Variants in CNDP1 observed in about 807,000 individuals in gnomAD.
CNDP1 encodes carnosine dipeptidase 1.
CNDP1 carries 44 observed loss-of-function variants against 58.1 expected under a neutral mutation model. That is an observed-to-expected ratio of 0.76 (90% CI 0.60 to 0.97). The LOEUF is 0.97. Ranked by LOEUF, CNDP1 falls within the 50% of genes least tolerant of loss-of-function variation. The probability of loss-of-function intolerance (pLI) is 0.00; values close to 1 mark genes in which losing one functional copy is unlikely to be tolerated. For synonymous variants in CNDP1, 254 were observed against 252.6 expected (o/e 1.01, Z -0.05); for missense variants, 616 against 655.1 (o/e 0.94, Z 0.65).
chr18:74,566,986 G>A (rs1265358904), intron 5 of CNDP1, among the ~76,000 whole-genome samples: 1 of 152,218 alleles, frequency 6.6e-6, no homozygotes, highest in Non-Finnish European at 1.5e-5. Flanking sequence ...CACTTCTTAG[G>A]TGGTGGCAGC....
At chr18:74,559,820 G>A (rs1387491351) in intron 3 of CNDP1, among the ~76,000 whole-genome samples, 3 of 151,976 alleles carry the variant, frequency 2.0e-5, no homozygotes, top group Non-Finnish European at 4.4e-5. Context: ...AAATTCATAT[G>A]CATCTTTCTC....
At chr18:74,580,410 T>C in intron 10 of CNDP1, 139 bp downstream of exon 10, 1 of 845,636 alleles carries the variant, frequency 1.2e-6, no homozygotes, top group South Asian at 1.7e-5. Context: ...GTTGAATGCA[T>C]GCCATGTGCA....
At chr18:74,554,061 G>A (rs1599090714) in intron 1 of CNDP1, among the ~76,000 whole-genome samples, 1 of 152,222 alleles carries the variant, frequency 6.6e-6, no homozygotes, top group East Asian at 1.9e-4. Context: ...ACCCGAAGGA[G>A]TACAGCTGGG....
At chr18:74,556,278 T>C (rs2144652142) in intron 1 of CNDP1, 60 bp from the exon 2 acceptor site, 4 of 1,586,478 alleles carry the variant, frequency 2.5e-6, no homozygotes, top group Non-Finnish European at 3.4e-6. Context: ...ATTTGGAAGG[T>C]CCGAAGTCCA....
At chr18:74,559,614 TC>T in intron 3 of CNDP1, 142 bp downstream of exon 3, 1 of 749,636 alleles carries the variant, frequency 1.3e-6, no homozygotes, top group Non-Finnish European at 2.1e-6. Flanking sequence ...GATGAAACAT[TC>T]CCCTGGTCTC....
intron 7 of CNDP1, 197 bp from the exon 8 acceptor site, chr18:74,576,672 C>T (rs1423078494): frequency 2.9e-5 from 14 of 478,502 alleles, no homozygotes; most frequent in Non-Finnish European, 5.1e-5. Flanking sequence ...ACTCCAGCTG[C>T]GTGATCCTGG....
intron 9 of CNDP1, among the ~76,000 whole-genome samples, chr18:74,579,188 T>TTCCCTTGCCTTGCCTTC (rs1568300947): frequency 8.4e-6 from 1 of 118,420 alleles, no homozygotes; most frequent in Non-Finnish European, 1.8e-5. Flanking sequence ...CTTCTCCCTT[T>TTCCCTTGCCTTGCCTTC]CCTTCCCTTC....
intron 1 of CNDP1, among the ~76,000 whole-genome samples, chr18:74,546,280 G>T (rs569435907): frequency 6.6e-6 from 1 of 152,172 alleles, no homozygotes; most frequent in Non-Finnish European, 1.5e-5. Flanking sequence ...GAGTAAAAGT[G>T]TCTGAAGGCG....
At chr18:74,540,558 C>A (rs1568289988) in intron 1 of CNDP1, among the ~76,000 whole-genome samples, 1 of 152,200 alleles carries the variant, frequency 6.6e-6, no homozygotes, top group Non-Finnish European at 1.5e-5. Context: ...GGCAACAGCT[C>A]TCTTGGGGAA....
rs550844881 is a variant in CNDP1 at position 74,566,238 on chromosome 18, C to T, written c.556-995C>T. 7.2e-5 allele frequency among the ~76,000 whole-genome samples: 11 copies of T among 152,328 alleles called. No individual in the cohort carries two copies. The East Asian group carries it at 7.7e-4, about 11-fold the overall frequency. On this transcript the variant is annotated intron_variant, in intron 5 of 11. Coordinates refer to ENST00000358821, the MANE Select transcript of CNDP1 (RefSeq NM_032649.6). ...CCAGGCCTGTGATGGGTGGGGCTGC[C>T]GTGAAGGTCTCTGACATGACCTGGA...
chr18:74,571,375 A>G lies in CNDP1; in HGVS notation c.841+105A>G. The stretch of plus-strand genomic sequence containing the variant: ...CTTGCTTTCTGAACCAGCTCTGAAC[A>G]AGGGTGTAGATGCTTAGATTTTCCT... On this transcript the variant is annotated intron_variant, in intron 7 of 11. Coordinates refer to ENST00000358821, the MANE Select transcript of CNDP1 (RefSeq NM_032649.6). The G allele has an allele frequency of 3.8e-6, 3 of 780,776 alleles. No individual in the cohort carries two copies. The South Asian group carries it at 4.4e-5, about 12-fold the overall frequency. The allele number at this position is 780,776 out of a possible 1,614,324, so 48.4% of individuals were successfully genotyped here. A position where few individuals can be genotyped will look rare whatever the true frequency, so the allele number is the denominator to read the frequency against.
At chr18:74,562,258 A>C (rs1599095144) in intron 5 of CNDP1, 123 bp downstream of exon 5, 1 of 818,588 alleles carries the variant, frequency 1.2e-6, no homozygotes, top group African/African-American at 1.7e-5. Context: ...CAATCTTTGG[A>C]GGTGTGTGCG....
Position 74,545,062 on chromosome 18 carries a change from C to T in CNDP1, c.24+10371C>T, listed in dbSNP as rs1199263204. On this transcript the variant is annotated intron_variant, in intron 1 of 11. Coordinates refer to ENST00000358821, the MANE Select transcript of CNDP1 (RefSeq NM_032649.6). This position sits in a 1 kb window ranked among gnomAD's most constrained non-coding sequence, Gnocchi z 4.1. The stretch of plus-strand genomic sequence containing the variant: ...AAGCTGGAGGGGCAGGAAGGACCCT[C>T]CCCTAGAGCCTGCAGACGGAGCCCA... Among the ~76,000 whole-genome samples the T allele has an allele frequency of 6.6e-6, 1 of 152,156 alleles. No homozygotes were observed. Among genetic ancestry groups the T allele is most frequent in the Non-Finnish European group, 1.5e-5 (1 of 68,028 alleles).
intron 1 of CNDP1, among the ~76,000 whole-genome samples, chr18:74,554,626 A>C (rs1432240350): frequency 6.6e-6 from 1 of 152,176 alleles, no homozygotes; most frequent in African/African-American, 2.4e-5. Context: ...TCAGCAATGC[A>C]TTTGGGAACA....
chr18:74,539,147 G>A (rs1980553551), intron 1 of CNDP1, among the ~76,000 whole-genome samples: 1 of 145,972 alleles, frequency 6.9e-6, no homozygotes, highest in African/African-American at 2.5e-5. Flanking sequence ...TGCAAACACT[G>A]TCTTCCTACA....
Position 74,585,100 on chromosome 18 carries a change from T to C in CNDP1, c.*538T>C, listed in dbSNP as rs1454936065. On this transcript the variant is annotated 3_prime_UTR_variant, in exon 12 of 12. Coordinates refer to ENST00000358821, the MANE Select transcript of CNDP1 (RefSeq NM_032649.6). ...ATATTAACCTCTTGCCTCCCCTTCA[T>C]TTATTTTTTCCCACTTCTTGAAAAG... 6.6e-6 allele frequency: 1 copy of C among 152,402 alleles called. No individual in the cohort carries two copies. The highest frequency in any genetic ancestry group is 2.4e-5 in the African/African-American group (1 of 41,450). The allele number at this position is 152,402 out of a possible 1,614,324, so 9.4% of individuals were successfully genotyped here. A position where few individuals can be genotyped will look rare whatever the true frequency, so the allele number is the denominator to read the frequency against.
At chr18:74,579,589 C>T (rs1313530106) in intron 9 of CNDP1, among the ~76,000 whole-genome samples, 1 of 152,096 alleles carries the variant, frequency 6.6e-6, no homozygotes, top group Non-Finnish European at 1.5e-5. Flanking sequence ...CCCCGGGAGA[C>T]TCTCAACAGT....
chr18:74,584,439 C>T, intron 11 of CNDP1, 57 bp from the exon 12 acceptor site: 2 of 1,179,278 alleles, frequency 1.7e-6, no homozygotes, highest in Non-Finnish European at 2.5e-6. Flanking sequence ...AATATTTTTC[C>T]TCCTTCATTT....
intron 1 of CNDP1, among the ~76,000 whole-genome samples, chr18:74,549,058 A>G (rs1980832960): frequency 6.6e-6 from 1 of 152,232 alleles, no homozygotes; most frequent in African/African-American, 2.4e-5. Flanking sequence ...GGTTGCCCCA[A>G]GAATACTCAC....
Sources: allele counts gnomAD v4.1 joint callset (sites outside exome capture counted in the v4.1 genomes callset), GRCh38; gene constraint gnomAD v4.1.1; non-coding constraint Gnocchi (gnomAD v3.1); transcripts MANE v1.5; gene names NCBI Gene and HGNC (gene_info 2026-07-23, HGNC 2026-07-21).